The following AFF1 variants were observed in gnomAD, a reference collection of about 807,000 sequenced individuals.
AFF1 encodes ALF transcription elongation factor 1, also known as AF4/FMR2 family member 1.
Under a neutral mutation model 121.7 loss-of-function variants are expected in AFF1, and 48 were observed. The observed-to-expected ratio is 0.39, with a 90% CI of 0.31 to 0.50. AFF1 has a LOEUF of 0.50. Ranked by LOEUF, AFF1 falls within the 20% of genes least tolerant of loss-of-function variation. The pLI, the probability that AFF1 is intolerant of heterozygous loss-of-function variation, is 0.76. For synonymous variants in AFF1, 613 were observed against 563.0 expected, an observed-to-expected ratio of 1.09 and a Z score of -1.26; for missense variants, 1,523 against 1,511.7, an observed-to-expected ratio of 1.01 and a Z score of -0.12.
chr4:87,051,100 G>C (rs1178390146), intron 4 of AFF1, among the ~76,000 whole-genome samples: 2 of 152,192 alleles, frequency 1.3e-5, no homozygotes, highest in Non-Finnish European at 2.9e-5. Flanking sequence ...ACTGAATTTA[G>C]AATGTTTGAA....
chr4:86,956,138 C>A (rs527424930), intron 2 of AFF1, among the ~76,000 whole-genome samples: 1 of 152,268 alleles, frequency 6.6e-6, no homozygotes, highest in African/African-American at 2.4e-5. Flanking sequence ...CCTGCATTTT[C>A]AAGTGAACTA....
chr4:86,962,952 G>C (rs1281442909), intron 2 of AFF1, among the ~76,000 whole-genome samples: 1 of 152,072 alleles, frequency 6.6e-6, no homozygotes, highest in African/African-American at 2.4e-5. Flanking sequence ...GATCACTTGA[G>C]GCCAGGAGTT....
intron 2 of AFF1, among the ~76,000 whole-genome samples, chr4:86,969,898 G>T (rs915499426): frequency 0.039 from 2,134 of 54,174 alleles, 120 homozygotes; most frequent in African/African-American, 0.1. Context: ...AAAAAAAAAA[G>T]GTAAGATAGT....
chr4:87,134,997 G>T (rs1232325384), intron 20 of AFF1, among the ~76,000 whole-genome samples: 7 of 152,322 alleles, frequency 4.6e-5, no homozygotes, highest in Middle Eastern at 3.4e-3. Context: ...CTAGCTGAAA[G>T]GCAGGGCAAA....
intron 2 of AFF1, among the ~76,000 whole-genome samples, chr4:87,028,938 A>G (rs1313839490): frequency 1.3e-5 from 2 of 152,078 alleles, no homozygotes; most frequent in African/African-American, 2.4e-5. Flanking sequence ...CTGTCATCCT[A>G]CACAGGTGGG....
chr4:87,013,319 C>T (rs773221899), intron 2 of AFF1, among the ~76,000 whole-genome samples: 34 of 152,008 alleles, frequency 2.2e-4, no homozygotes, highest in Non-Finnish European at 1.9e-4. Flanking sequence ...GGATTACAGG[C>T]GTGAGCCACC....
rs916669788 is a variant in AFF1 at position 87,138,825 on chromosome 4, A to C, written c.*3124A>C. 4.4e-6 allele frequency: 1 copy of C among 229,074 alleles called. No homozygotes were observed. The highest frequency in any genetic ancestry group is 6.3e-5 in the East Asian group (1 of 15,990). The allele number at this position is 229,074 out of a possible 1,614,324, so 14.2% of individuals were successfully genotyped here. A position where few individuals can be genotyped will look rare whatever the true frequency, so the allele number is the denominator to read the frequency against. On this transcript the variant is annotated 3_prime_UTR_variant, in exon 21 of 21. Coordinates refer to ENST00000395146, the MANE Select transcript of AFF1 (RefSeq NM_001166693.3). ...GAAAAGTATCTAATATTTTGTAACA[A>C]AAAGACCTTCATATTATCTGTTTTG...
chr4:86,950,148 C>G, intron 2 of AFF1: 1 of 1,498,230 alleles, frequency 6.7e-7, no homozygotes, highest in Non-Finnish European at 9.3e-7. Context: ...CAGCACCGGA[C>G]AAGGCAGATG....
chr4:86,966,109 T>C (rs1722522007), intron 2 of AFF1, among the ~76,000 whole-genome samples: 1 of 151,480 alleles, frequency 6.6e-6, no homozygotes, highest in Non-Finnish European at 1.5e-5. Context: ...AAGGTGGTAG[T>C]TTCTACAGTG....
intron 2 of AFF1, among the ~76,000 whole-genome samples, chr4:87,017,970 A>G (rs1434339497): frequency 6.6e-6 from 1 of 150,810 alleles, no homozygotes; most frequent in East Asian, 1.9e-4. Context: ...GGCTCTGGCT[A>G]GAAGATGTCT....
chr4:87,054,792 C>T (rs1719932214), intron 4 of AFF1, among the ~76,000 whole-genome samples: 1 of 152,176 alleles, frequency 6.6e-6, no homozygotes, highest in South Asian at 2.1e-4. Flanking sequence ...TAGTGACAGG[C>T]AGGTTTTTTA....
In AFF1 at chr4:86,978,270, AC is replaced by A. The variant is rs561582740; in HGVS notation, c.38+29701del. On this transcript the variant is annotated intron_variant, in intron 2 of 20. Transcript: ENST00000395146. Reference sequence around the variant, plus strand: ...ACAACCTCGGCTCACTGCAACCTCCACCTCCTGGGTTCAAGCGATTCTCCTG... The same window carrying A: ...ACAACCTCGGCTCACTGCAACCTCCACTCCTGGGTTCAAGCGATTCTCCTG... Among the ~76,000 whole-genome samples the A allele has an allele frequency of 2.7e-3, 350 of 128,166 alleles. 1 individual carries two copies. The highest frequency in any genetic ancestry group is 0.01 in the African/African-American group (333 of 33,038). The allele number at this position is 128,166 out of a possible 152,430, so 84.1% of individuals were successfully genotyped here. A position where few individuals can be genotyped will look rare whatever the true frequency, so the allele number is the denominator to read the frequency against.
intron 4 of AFF1, among the ~76,000 whole-genome samples, chr4:87,065,671 G>C (rs1411397457): frequency 6.6e-6 from 1 of 152,130 alleles, no homozygotes; most frequent in Non-Finnish European, 1.5e-5. Context: ...GGTTAAAGAT[G>C]GGGCAGTGTC....
In AFF1 at chr4:87,086,495, A is replaced by T. The variant is rs72879911; in HGVS notation, c.1104+2331A>T. Among the ~76,000 whole-genome samples the T allele has an allele frequency of 1.3e-3, 195 of 152,316 alleles. 1 individual carries two copies. Among genetic ancestry groups the T allele is most frequent in the African/African-American group, 4.4e-3 (184 of 41,566 alleles). On this transcript the variant is annotated intron_variant, in intron 5 of 20. Transcript: ENST00000395146. ...ATGCTTGAGAGAGAGTGGTTAATGTATAAATCATGCCCATTTATGATTTGG... is the reference window on the plus strand; with the variant it reads ...ATGCTTGAGAGAGAGTGGTTAATGTTTAAATCATGCCCATTTATGATTTGG...
At position 87,132,342 on chromosome 4, in the gene AFF1, G is replaced by T; in HGVS notation, c.3245G>T (p.Arg1082Leu). The change falls in exon 19 of 21, where the codon CGT becomes CTT. Residue 1082 changes from arginine to leucine, a missense_variant. By Grantham distance (102) the Arg-to-Leu change is moderately radical. Coordinates refer to ENST00000395146, the MANE Select transcript of AFF1 (RefSeq NM_001166693.3). ...CKKDIAIKYS[R>L]TLNKHFESSS... ...AAAGACATAGCAATAAAGTATTCTC[G>T]TACTCTTAATAAACACTTCGAGAGT... The T allele has an allele frequency of 6.2e-7, 1 of 1,613,180 alleles. No homozygotes were observed. The highest frequency in any genetic ancestry group is 8.5e-7 in the Non-Finnish European group (1 of 1,179,716).
chr4:87,136,392 C>G lies in AFF1; in HGVS notation c.*691C>G. ...TGCACATTGACCCCAGCTCTGACTT[C>G]TCATTACTGTGCTGAAAGTCAGCCC... On this transcript the variant is annotated 3_prime_UTR_variant, in exon 21 of 21. Coordinates refer to ENST00000395146, the MANE Select transcript of AFF1 (RefSeq NM_001166693.3). 1 of 232,534 alleles carries G rather than the reference C, an allele frequency of 4.3e-6. No homozygotes were observed. The highest frequency in any genetic ancestry group is 6.1e-5 in the East Asian group (1 of 16,482). The allele number at this position is 232,534 out of a possible 1,614,324, so 14.4% of individuals were successfully genotyped here. A position where few individuals can be genotyped will look rare whatever the true frequency, so the allele number is the denominator to read the frequency against.
intron 4 of AFF1, among the ~76,000 whole-genome samples, chr4:87,066,974 G>A (rs1721424521): frequency 6.6e-6 from 1 of 152,210 alleles, no homozygotes; most frequent in African/African-American, 2.4e-5. Context: ...TGAAGAGTCT[G>A]CAGCTGTTTA....
intron 4 of AFF1, among the ~76,000 whole-genome samples, chr4:87,066,573 A>G (rs182939805): frequency 8.5e-5 from 13 of 152,256 alleles, no homozygotes; most frequent in African/African-American, 3.1e-4. Flanking sequence ...TGGGCAACAC[A>G]GTGAGACCCT....
rs1729393973 is a variant in AFF1, at chr4:87,137,491, C to T, written c.*1790C>T. On this transcript the variant is annotated 3_prime_UTR_variant, in exon 21 of 21. Transcript: ENST00000395146. ...TCTCCAGACTGTTCTTTGGTTGTCA[C>T]TAAGTCAGAGGTCTGGTCCCTCATG... 4.3e-6 allele frequency: 1 copy of T among 230,828 alleles called. No homozygotes were observed. The highest frequency in any genetic ancestry group is 2.2e-5 in the African/African-American group (1 of 45,264). The allele number at this position is 230,828 out of a possible 1,614,324, so 14.3% of individuals were successfully genotyped here. A position where few individuals can be genotyped will look rare whatever the true frequency, so the allele number is the denominator to read the frequency against.
Sources: gnomAD v4.1 joint callset for allele counts (sites outside exome capture counted in the v4.1 genomes callset) on GRCh38, gnomAD v4.1.1 for gene constraint, MANE v1.5 for transcripts, NCBI Gene and HGNC (gene_info 2026-07-23, HGNC 2026-07-21) for gene names.